NGF: variants seen among roughly 807,000 people sequenced by gnomAD.
NGF encodes the protein nerve growth factor.
Under a neutral mutation model 12.8 loss-of-function variants are expected in NGF, and 4 were observed. The ratio of observed to expected loss-of-function variants is 0.31; its 90% CI spans 0.15 to 0.72. The LOEUF is 0.72. Among genes scored for constraint, NGF ranks in the 30% least tolerant of loss-of-function variants. NGF has a pLI of 0.69. For synonymous variants in NGF, 140 were observed against 130.0 expected (o/e 1.08, Z -0.52); for missense variants, 283 against 330.8 (o/e 0.86, Z 1.12).
At chr1:115,301,858 G>A (rs1654046822) in intron 1 of NGF, among the ~76,000 whole-genome samples, 1 of 152,228 alleles carries the variant, frequency 6.6e-6, no homozygotes, top group Admixed American at 6.5e-5. Flanking sequence ...AAACTTGCCA[G>A]GCACTGTAAA....
At chr1:115,310,493 AAG>A (rs1266362624) in intron 1 of NGF, among the ~76,000 whole-genome samples, 2 of 152,210 alleles carry the variant, frequency 1.3e-5, no homozygotes, top group East Asian at 3.9e-4. Flanking sequence ...GTTGCTGAGA[AAG>A]AAACCAGGTC....
chr1:115,304,452 G>A (rs1460007905), intron 1 of NGF, among the ~76,000 whole-genome samples: 1 of 151,398 alleles, frequency 6.6e-6, no homozygotes, highest in Non-Finnish European at 1.5e-5. Context: ...GGGATTACAG[G>A]TGTGAGCCAC....
At chr1:115,299,840 C>T (rs753692392) in intron 1 of NGF, among the ~76,000 whole-genome samples, 4 of 152,206 alleles carry the variant, frequency 2.6e-5, no homozygotes, top group Non-Finnish European at 5.9e-5. Flanking sequence ...TGGCCTTTCG[C>T]TGATCCGTTG....
At chr1:115,317,606 C>T (rs922529577) in intron 1 of NGF, among the ~76,000 whole-genome samples, 3 of 152,202 alleles carry the variant, frequency 2.0e-5, no homozygotes, top group Non-Finnish European at 2.9e-5. Context: ...TTGTCACCCA[C>T]GTATTTGGGG....
rs946327839 is a variant in NGF at position 115,319,075 on chromosome 1, T to C, written c.-137+19129A>G. Among the ~76,000 whole-genome samples, 6 of 152,228 alleles carry C rather than the reference T, an allele frequency of 3.9e-5. No individual in the cohort carries two copies. In the South Asian group the frequency reaches 1.2e-3, roughly 32 times the overall value. On this transcript the variant is annotated intron_variant, in intron 1 of 2. Coordinates refer to ENST00000369512, the MANE Select transcript of NGF (RefSeq NM_002506.3). ...ACAGGTCTTATTCAGCATTTAAGTC[T>C]GACTAAAGGTCAGCATAGTAAGTGG...
intron 1 of NGF, among the ~76,000 whole-genome samples, chr1:115,314,785 C>A (rs894145355): frequency 6.6e-6 from 1 of 152,078 alleles, no homozygotes; most frequent in Non-Finnish European, 1.5e-5. Context: ...CAGAAAAATT[C>A]TTGCTCTCAG....
rs150956745 is a variant in NGF at position 115,298,306 on chromosome 1, AT to A, written c.-136-4557del. On this transcript the variant is annotated intron_variant, in intron 1 of 2. Coordinates refer to ENST00000369512, the MANE Select transcript of NGF (RefSeq NM_002506.3). ...AATCATCTCAAAATGGCCAAAGTTG[AT>A]TTTTTCCCCCCAAAAGAACTCTTAG... 9.6e-3 allele frequency among the ~76,000 whole-genome samples: 1,468 copies of A among 152,182 alleles called. 27 individuals are homozygous for A. The highest frequency in any genetic ancestry group is 0.033 in the African/African-American group (1,378 of 41,522).
chr1:115,325,891 T>C (rs1480994164), intron 1 of NGF, among the ~76,000 whole-genome samples: 3 of 152,188 alleles, frequency 2.0e-5, no homozygotes, highest in Non-Finnish European at 2.9e-5. Context: ...GGAATAATTA[T>C]GTCATTATCT....
intron 1 of NGF, among the ~76,000 whole-genome samples, chr1:115,337,261 GTTTTTGTTTTTTTTTTTTTTTTTTTT>G (rs1655141502): frequency 3.4e-4 from 4 of 11,758 alleles, no homozygotes; most frequent in Non-Finnish European, 5.8e-4. Context: ...TTTTTGTTTT[GTTTTTGTTTTTTTTTTTTTTTTTTTT>G]TTTTTTTTTT....
At chr1:115,297,021 A>G (rs1481314742) in intron 1 of NGF, among the ~76,000 whole-genome samples, 5 of 152,228 alleles carry the variant, frequency 3.3e-5, no homozygotes, top group African/African-American at 7.2e-5. Flanking sequence ...GAATCCTAAT[A>G]AAGTCTGATG....
intron 1 of NGF, among the ~76,000 whole-genome samples, chr1:115,333,689 CTTT>C (rs1655004042): frequency 1.7e-5 from 1 of 59,112 alleles, no homozygotes; most frequent in African/African-American, 1.7e-4. Flanking sequence ...TTCTTTCTTT[CTTT>C]CTTTCTTTCT....
At chr1:115,299,794 A>G (rs968459861) in intron 1 of NGF, among the ~76,000 whole-genome samples, 1 of 152,156 alleles carries the variant, frequency 6.6e-6, no homozygotes, top group African/African-American at 2.4e-5. Context: ...CTAATCCTTA[A>G]ACCACACACA....
chr1:115,338,007 C>T (rs1459119289), intron 1 of NGF, among the ~76,000 whole-genome samples, 197 bp downstream of exon 1: 1 of 152,202 alleles, frequency 6.6e-6, no homozygotes, highest in Non-Finnish European at 1.5e-5. Context: ...TCCGACTCGT[C>T]CTCCCGCGAG....
In NGF at chr1:115,329,665, C is replaced by G. The variant is rs574060502; in HGVS notation, c.-137+8539G>C. ...ATTTTTGAAAATGTTACTCTATGCT[C>G]TTTCATTTTTTTCCCTAATGAGAGT... On this transcript the variant is annotated intron_variant, in intron 1 of 2. Transcript: ENST00000369512. Among the ~76,000 whole-genome samples, 5 of 151,336 alleles carry G rather than the reference C, an allele frequency of 3.3e-5. No individual in the cohort carries two copies. The East Asian group carries it at 5.8e-4, about 18-fold the overall frequency.
intron 2 of NGF, among the ~76,000 whole-genome samples, 177 bp from the exon 3 acceptor site, chr1:115,286,984 TA>T (rs1653532450): frequency 6.6e-6 from 1 of 152,092 alleles, no homozygotes; most frequent in African/African-American, 2.4e-5. Flanking sequence ...ACAACAGGCG[TA>T]ACCCGGGGCT....
chr1:115,290,547 CG>C (rs1400172869), intron 2 of NGF, among the ~76,000 whole-genome samples: 1 of 151,682 alleles, frequency 6.6e-6, no homozygotes, highest in African/African-American at 2.4e-5. Flanking sequence ...AGGCACACGC[CG>C]CCACGCCTGG....
intron 1 of NGF, among the ~76,000 whole-genome samples, chr1:115,320,275 C>T (rs1176085608): frequency 6.6e-6 from 1 of 151,956 alleles, no homozygotes; most frequent in East Asian, 1.9e-4. Flanking sequence ...TGTTTTTTTC[C>T]CCAAACCTAC....
chr1:115,322,230 G>A (rs1654650139), intron 1 of NGF, among the ~76,000 whole-genome samples: 1 of 152,186 alleles, frequency 6.6e-6, no homozygotes, highest in Admixed American at 6.5e-5. Context: ...CTAAGTCTGG[G>A]CGCCTTGCTC....
intron 1 of NGF, among the ~76,000 whole-genome samples, chr1:115,298,884 G>C (rs902300122): frequency 1.3e-5 from 2 of 152,030 alleles, no homozygotes; most frequent in Non-Finnish European, 2.9e-5. Flanking sequence ...TTAAGGATGT[G>C]TTGTTGAGGA....
Sources: allele counts gnomAD v4.1 joint callset (sites outside exome capture counted in the v4.1 genomes callset), GRCh38; gene constraint gnomAD v4.1.1; transcripts MANE v1.5; gene names NCBI Gene and HGNC (gene_info 2026-07-23, HGNC 2026-07-21).